Variants in CCDC170 observed in about 807,000 individuals in gnomAD.
CCDC170 encodes the protein coiled-coil domain-containing protein 170.
A neutral mutation model predicts 72.6 loss-of-function variants in CCDC170; 69 were observed. The ratio of observed to expected loss-of-function variants is 0.95; its 90% CI spans 0.78 to 1.16. The LOEUF (loss-of-function observed/expected upper bound fraction) is 1.16, where lower values mean the gene tolerates loss of function less well. Ranked by LOEUF, CCDC170 falls within the 50% of genes most tolerant of loss-of-function variation. The pLI is 0.00. For missense variants in CCDC170, 852 were observed against 832.5 expected, an observed-to-expected ratio of 1.02 and a Z score of -0.29; for synonymous variants, 300 against 303.9, an observed-to-expected ratio of 0.99 and a Z score of 0.13.
intron 1 of CCDC170, among the ~76,000 whole-genome samples, chr6:151,516,706 T>C (rs2115030167): frequency 6.6e-6 from 1 of 152,296 alleles, no homozygotes; most frequent in Non-Finnish European, 1.5e-5. Flanking sequence ...AGCTCTAGAC[T>C]GTACCAGATT....
At chr6:151,513,169 A>G (rs1162185320) in intron 1 of CCDC170, among the ~76,000 whole-genome samples, 2 of 152,204 alleles carry the variant, frequency 1.3e-5, no homozygotes, top group African/African-American at 4.8e-5. Flanking sequence ...ATGATGGAAT[A>G]TTGTGCAGCT....
At chr6:151,519,173 C>G (rs532582720) in intron 1 of CCDC170, among the ~76,000 whole-genome samples, 2 of 152,242 alleles carry the variant, frequency 1.3e-5, no homozygotes, top group South Asian at 4.2e-4. Context: ...CAGTCCTTAT[C>G]TCAACTGCAT....
chr6:151,528,491 A>T (rs1223168904), intron 1 of CCDC170, among the ~76,000 whole-genome samples: 1 of 152,090 alleles, frequency 6.6e-6, no homozygotes, highest in Non-Finnish European at 1.5e-5. Context: ...CTCTTTTTTT[A>T]AATTTAAGAG....
At position 151,554,723 on chromosome 6, in the gene CCDC170, C is replaced by CA. The variant is rs1007819794; in HGVS notation, c.774+6242dup. 2.1e-4 allele frequency among the ~76,000 whole-genome samples: 31 copies of CA among 150,798 alleles called. No homozygotes were observed. In the South Asian group the frequency reaches 5.3e-3, roughly 26 times the overall value. ...TGGGCGACAAAGCTGGACTCTGTCT[C>CA]AAAAAAAAGAGAGAGCAAGACAGAG... On this transcript the variant is annotated intron_variant, in intron 5 of 10. Transcript: ENST00000239374.
intron 5 of CCDC170, among the ~76,000 whole-genome samples, chr6:151,565,473 C>A (rs1463193533): frequency 6.6e-6 from 1 of 152,180 alleles, no homozygotes; most frequent in African/African-American, 2.4e-5. Flanking sequence ...TCTCTGTGCT[C>A]CCAGCCAGTC....
chr6:151,604,739 G>GTTACACC lies in CCDC170; in HGVS notation c.1710+8165_1710+8171dup, dbSNP rs541866041. 1.8e-3 allele frequency among the ~76,000 whole-genome samples: 278 copies of GTTACACC among 152,166 alleles called. 2 individuals carry two copies. Among genetic ancestry groups the GTTACACC allele is most frequent in the African/African-American group, 6.6e-3 (276 of 41,518 alleles). On this transcript the variant is annotated intron_variant, in intron 9 of 10. Transcript: ENST00000239374. The stretch of plus-strand genomic sequence containing the variant: ...TTGATTTCTGCTACATTCCTGCTTA[G>GTTACACC]TTACACCTTTTTCTTTCATTTTTAG...
At position 151,536,330 on chromosome 6, in the gene CCDC170, C is replaced by T; in HGVS notation, c.70C>T (p.His24Tyr). ...GGAATTCTACCAGGAAACTTACGAT[C>T]ATCTTTCGGAAGTCCCGGTCACGCG... ...ASPAPEETYD[H>Y]LSEVPVTREQ... is the part of the protein sequence containing the mutation. The change falls in exon 2 of 11, where the codon CAT becomes TAT. Residue 24 changes from histidine to tyrosine, a missense_variant. Physicochemically the swap from His to Tyr is moderately conservative, Grantham distance 83. Coordinates refer to ENST00000239374, the MANE Select transcript of CCDC170 (RefSeq NM_025059.4). 6.2e-7 allele frequency: 1 copy of T among 1,613,500 alleles called. No individual in the cohort carries two copies. The highest frequency in any genetic ancestry group is 8.5e-7 in the Non-Finnish European group (1 of 1,179,420).
intron 1 of CCDC170, among the ~76,000 whole-genome samples, chr6:151,517,916 G>T (rs941488790): frequency 3.3e-5 from 5 of 150,426 alleles, no homozygotes; most frequent in African/African-American, 1.2e-4. Context: ...ACGGCCATTT[G>T]CTTCTTTTTT....
At chr6:151,504,517 A>G (rs569468704) in intron 1 of CCDC170, among the ~76,000 whole-genome samples, 1 of 152,230 alleles carries the variant, frequency 6.6e-6, no homozygotes, top group Non-Finnish European at 1.5e-5. Context: ...AAAATTTTAA[A>G]AAGGAAGAAG....
At chr6:151,556,587 C>CT (rs1163826251) in intron 5 of CCDC170, among the ~76,000 whole-genome samples, 2 of 152,144 alleles carry the variant, frequency 1.3e-5, no homozygotes, top group Admixed American at 1.3e-4. Context: ...ATGCCTCCTA[C>CT]TTTTTTTATT....
chr6:151,524,400 A>G (rs1374305684), intron 1 of CCDC170, among the ~76,000 whole-genome samples: 1 of 152,172 alleles, frequency 6.6e-6, no homozygotes, highest in Non-Finnish European at 1.5e-5. Flanking sequence ...CAGGGGTCCA[A>G]GTTCAGGATT....
chr6:151,495,821 C>T (rs1043798152), intron 1 of CCDC170, among the ~76,000 whole-genome samples: 1 of 152,192 alleles, frequency 6.6e-6, no homozygotes, highest in Non-Finnish European at 1.5e-5. Context: ...TCTGTAAATA[C>T]TCTGGTGTGT....
chr6:151,531,638 A>G lies in CCDC170; in HGVS notation c.58-4680A>G, dbSNP rs144305029. Among the ~76,000 whole-genome samples the G allele has an allele frequency of 3.4e-3, 517 of 152,356 alleles. 16 individuals are homozygous for G. The highest frequency in any genetic ancestry group is 0.031 in the Admixed American group (475 of 15,304). On this transcript the variant is annotated intron_variant, in intron 1 of 10. Transcript: ENST00000239374. ...TCCGTTATTGCTATTAATGTTTAAC[A>G]ATGTGTTATTAGTTTTTATGCTGCT...
At chr6:151,526,115 C>G (rs6918988) in intron 1 of CCDC170, among the ~76,000 whole-genome samples, 2 of 147,316 alleles carry the variant, frequency 1.4e-5, no homozygotes, top group African/African-American at 5.0e-5. Context: ...TTCCTTCCTT[C>G]CTTTCTTCCT....
At position 151,548,439 on chromosome 6, in the gene CCDC170, G is replaced by A; in HGVS notation, c.724G>A (p.Glu242Lys). Residue 242 changes from glutamate (E) to lysine (K), a missense_variant, in exon 5 of 11, where the codon GAG (glutamate) becomes AAG (lysine). Glu to Lys is a moderately conservative substitution (Grantham distance 56, BLOSUM62 1). Transcript: ENST00000239374. The stretch of plus-strand genomic sequence containing the variant: ...GAGGCTGGCTTCAGAAGTCAACAGA[G>A]AGCAGAAAAAAGCTGCCTCCTGTAC... ...IMRLASEVNR[E>K]QKKAASCTEE... The A allele has an allele frequency of 6.2e-7, 1 of 1,610,174 alleles. No homozygotes were observed. The highest frequency in any genetic ancestry group is 8.5e-7 in the Non-Finnish European group (1 of 1,178,364).
rs1190922281 is a variant in CCDC170 at position 151,494,138 on chromosome 6, G to T, written c.10G>T (p.Asp4Tyr). 1 of 1,514,990 alleles carries T rather than the reference G, an allele frequency of 6.6e-7. No homozygotes were observed. The highest frequency in any genetic ancestry group is 8.8e-7 in the Non-Finnish European group (1 of 1,137,458). 93.8% of individuals were successfully genotyped at this position (1,514,990 alleles called of 1,614,324 possible). A position where few individuals can be genotyped will look rare whatever the true frequency, so the allele number is the denominator to read the frequency against. Residue 4 changes from aspartate (D) to tyrosine (Y), a missense_variant, in exon 1 of 11, where the codon GAC (aspartate) becomes TAC (tyrosine). Asp to Tyr is a radical substitution (Grantham distance 160). Coordinates refer to ENST00000239374, the MANE Select transcript of CCDC170 (RefSeq NM_025059.4). MSL[D>Y]CTSHIALGAA... ...CCGGGCTCGGGTCGTCATGAGCCTG[G>T]ACTGCACCAGCCATATCGCGCTGGG...
intron 6 of CCDC170, among the ~76,000 whole-genome samples, chr6:151,580,495 A>G (rs1776365527): frequency 6.6e-6 from 1 of 152,160 alleles, no homozygotes; most frequent in Non-Finnish European, 1.5e-5. Context: ...AGTTATACTT[A>G]CTAATATAGC....
chr6:151,523,411 G>A lies in CCDC170; in HGVS notation c.58-12907G>A, dbSNP rs567743654. Among the ~76,000 whole-genome samples, 15 of 152,266 alleles carry A rather than the reference G, an allele frequency of 9.9e-5. No homozygotes were observed. The Middle Eastern group carries it at 0.01, about 104-fold the overall frequency. ...AAAAAATTGAATTCTTGGCAGCCAGGCATGGTGGCTCACGCCTGTAATCCC... is the reference window on the plus strand; with the variant it reads ...AAAAAATTGAATTCTTGGCAGCCAGACATGGTGGCTCACGCCTGTAATCCC... On this transcript the variant is annotated intron_variant, in intron 1 of 10. Coordinates refer to ENST00000239374, the MANE Select transcript of CCDC170 (RefSeq NM_025059.4).
At position 151,548,312 on chromosome 6, in the gene CCDC170, C is replaced by G; in HGVS notation, c.597C>G (p.Asp199Glu). ...SDEDLILKLR[D>E]LRKENEFVKG... ...AATTGCTTTCTCTTCAGCTTAGAGA[C>G]CTGCGCAAAGAAAATGAATTCGTGA... Residue 199 changes from aspartate (D) to glutamate (E), a missense_variant, in exon 5 of 11, where the codon GAC becomes GAG. Coordinates refer to ENST00000239374, the MANE Select transcript of CCDC170 (RefSeq NM_025059.4). 6.3e-7 allele frequency: 1 copy of G among 1,576,758 alleles called. No homozygotes were observed. The highest frequency in any genetic ancestry group is 8.6e-7 in the Non-Finnish European group (1 of 1,159,940).
Sources: allele counts gnomAD v4.1 joint callset (sites outside exome capture counted in the v4.1 genomes callset), GRCh38; gene constraint gnomAD v4.1.1; transcripts MANE v1.5; gene names NCBI Gene and HGNC (gene_info 2026-07-23, HGNC 2026-07-21).